MPP7: variants seen among roughly 807,000 people sequenced by gnomAD.
The protein encoded by MPP7 is MAGUK p55 subfamily member 7.
In MPP7, 60 loss-of-function variants were observed where a neutral mutation model predicts 76.5. That is an observed-to-expected ratio of 0.78 (90% CI 0.64 to 0.97). The LOEUF (loss-of-function observed/expected upper bound fraction) is 0.97, where lower values mean the gene tolerates loss of function less well. MPP7 is among the 50% of genes least tolerant of loss of function. MPP7 has a pLI of 0.00. For missense variants in MPP7, 641 were observed against 694.0 expected (o/e 0.92, Z 0.86); for synonymous variants, 237 against 244.5 (o/e 0.97, Z 0.29).
At chr10:28,123,949 A>G (rs1158072564) in intron 8 of MPP7, 82 bp downstream of exon 8, 1 of 924,538 alleles carries the variant, frequency 1.1e-6, no homozygotes, top group Non-Finnish European at 1.8e-6. Context: ...AATCCTGTCT[A>G]TGTCAAACCA....
At chr10:28,092,982 C>T (rs1853391935) in intron 11 of MPP7, among the ~76,000 whole-genome samples, 1 of 152,046 alleles carries the variant, frequency 6.6e-6, no homozygotes, top group Admixed American at 6.6e-5. Context: ...GGGTCTCTTT[C>T]TAATTGCAGA....
intron 2 of MPP7, among the ~76,000 whole-genome samples, chr10:28,208,120 G>A (rs1434915628): frequency 1.3e-5 from 2 of 152,090 alleles, no homozygotes; most frequent in African/African-American, 4.8e-5. Context: ...CTTGGAAGAG[G>A]ACTCCCTCCC....
chr10:28,239,002 A>C lies in MPP7; in HGVS notation c.-131-267T>G, dbSNP rs1184275745. 2.0e-5 allele frequency among the ~76,000 whole-genome samples: 3 copies of C among 152,284 alleles called. No individual in the cohort carries two copies. The Middle Eastern group carries it at 0.01, about 518-fold the overall frequency. ...ATTTGGGTTGAGGAACACTGATTGG[A>C]TACGTGGATAATTTTAAGAAGCTTC... On this transcript the variant is annotated intron_variant, in intron 1 of 16. Coordinates refer to ENST00000683449, the MANE Select transcript of MPP7 (RefSeq NM_001318170.2).
chr10:28,180,009 G>C (rs917722761), intron 3 of MPP7, among the ~76,000 whole-genome samples: 1 of 152,050 alleles, frequency 6.6e-6, no homozygotes, highest in African/African-American at 2.4e-5. Context: ...AAGTGAGAAA[G>C]AAAATAAAGG....
In MPP7 at chr10:28,313,853, A is replaced by ATTTTTTTTTTTTTTTTTTTT. The variant is rs1192149562; in HGVS notation, c.-132+16075_-132+16076insAAAAAAAAAAAAAAAAAAAA. On this transcript the variant is annotated intron_variant, in intron 2 of 11. Coordinates refer to the MPP7 transcript ENST00000441595. ...AGGTGTGTGCCACTATACCTGGCTA[A>ATTTTTTTTTTTTTTTTTTTT]TTTTTTTTTTTTTATTTTTTTTATT... 1.2e-4 allele frequency among the ~76,000 whole-genome samples: 4 copies of ATTTTTTTTTTTTTTTTTTTT among 32,676 alleles called. 2 individuals are homozygous for ATTTTTTTTTTTTTTTTTTTT. The highest frequency in any genetic ancestry group is 2.1e-4 in the Non-Finnish European group (4 of 18,990). The allele number at this position is 32,676 out of a possible 152,430, so 21.4% of individuals were successfully genotyped here.
At chr10:28,090,556 C>G (rs937390570) in intron 11 of MPP7, among the ~76,000 whole-genome samples, 13 of 152,208 alleles carry the variant, frequency 8.5e-5, no homozygotes, top group African/African-American at 3.1e-4. Flanking sequence ...TTCTCTCATT[C>G]ATGAACATGA....
chr10:28,161,060 C>T (rs1458341538), intron 3 of MPP7, among the ~76,000 whole-genome samples: 2 of 152,128 alleles, frequency 1.3e-5, no homozygotes, highest in Non-Finnish European at 2.9e-5. Context: ...TAAACCTCAG[C>T]GATTTATAAC....
intron 1 of MPP7, among the ~76,000 whole-genome samples, chr10:28,330,701 C>T (rs2133192780): frequency 6.6e-6 from 1 of 152,246 alleles, no homozygotes; most frequent in Admixed American, 6.5e-5. Context: ...GTCACCCAGG[C>T]TGGAGTGCTG....
chr10:28,140,320 GGCCAAAATGGT>G (rs1343566148), intron 5 of MPP7, among the ~76,000 whole-genome samples: 2 of 152,098 alleles, frequency 1.3e-5, no homozygotes, highest in African/African-American at 4.8e-5. Context: ...ACACCAGCCT[GGCCAAAATGGT>G]GAAACCCCAA....
intron 12 of MPP7, among the ~76,000 whole-genome samples, chr10:28,085,044 G>GT (rs1423139167): frequency 6.6e-5 from 10 of 152,126 alleles, no homozygotes; most frequent in African/African-American, 2.4e-4. Flanking sequence ...AAGCAAGGAG[G>GT]TATCTGTCAG....
chr10:28,207,004 T>C (rs1439669355), intron 2 of MPP7, among the ~76,000 whole-genome samples: 3 of 152,184 alleles, frequency 2.0e-5, no homozygotes, highest in Non-Finnish European at 4.4e-5. Context: ...CCCAAAAATT[T>C]TGAATTTAGG....
chr10:28,262,388 G>A (rs1028657158), intron 1 of MPP7, among the ~76,000 whole-genome samples: 3 of 149,204 alleles, frequency 2.0e-5, no homozygotes, highest in Middle Eastern at 3.5e-3. Context: ...GAGCCACCAT[G>A]CCCAGCCAAT....
chr10:28,300,636 A>G (rs1389437037), intron 1 of MPP7, among the ~76,000 whole-genome samples: 1 of 152,174 alleles, frequency 6.6e-6, no homozygotes, highest in Non-Finnish European at 1.5e-5. Context: ...CCACAAAACA[A>G]GAGATAACTT....
chr10:28,129,821 T>C (rs996841735), intron 6 of MPP7, among the ~76,000 whole-genome samples: 2 of 152,120 alleles, frequency 1.3e-5, no homozygotes, highest in Non-Finnish European at 2.9e-5. Context: ...CTCAGAAATC[T>C]GCATTGTAAG....
chr10:28,180,951 T>C (rs1200933713), intron 3 of MPP7, among the ~76,000 whole-genome samples: 1 of 152,218 alleles, frequency 6.6e-6, no homozygotes, highest in African/African-American at 2.4e-5. Flanking sequence ...TACATGTACC[T>C]GTAAACAGCA....
chr10:28,217,215 T>C (rs1057327912), intron 2 of MPP7, among the ~76,000 whole-genome samples: 23 of 152,038 alleles, frequency 1.5e-4, no homozygotes, highest in African/African-American at 4.6e-4. Context: ...GACAAGGATA[T>C]AACATACTCA....
rs768369643 is a variant in MPP7 at position 28,247,105 on chromosome 10, ACTCT to A, written c.-131-8374_-131-8371del. 5.9e-5 allele frequency among the ~76,000 whole-genome samples: 9 copies of A among 152,326 alleles called. No individual in the cohort carries two copies. In the South Asian group the frequency reaches 1.2e-3, roughly 21 times the overall value. On this transcript the variant is annotated intron_variant, in intron 1 of 16. Coordinates refer to ENST00000683449, the MANE Select transcript of MPP7 (RefSeq NM_001318170.2). ...GATTTTAAAATAAAATAAATCATTC[ACTCT>A]AAGTATTTACATTGTTATTTCCTAA...
intron 11 of MPP7, among the ~76,000 whole-genome samples, chr10:28,108,615 C>T (rs920089334): frequency 2.0e-5 from 3 of 151,888 alleles, no homozygotes; most frequent in African/African-American, 7.3e-5. Context: ...CGAGATCATG[C>T]CACTGCACTC....
chr10:28,115,072 TTTTGTTTG>T (rs59333090), intron 11 of MPP7, among the ~76,000 whole-genome samples: 1 of 151,322 alleles, frequency 6.6e-6, no homozygotes, highest in South Asian at 2.1e-4. Context: ...ACGTTAGGTT[TTTTGTTTG>T]TTTGTTTGTT....
Sources: gnomAD v4.1 joint callset for allele counts (sites outside exome capture counted in the v4.1 genomes callset) on GRCh38, gnomAD v4.1.1 for gene constraint, MANE v1.5 for transcripts, NCBI Gene and HGNC (gene_info 2026-07-23, HGNC 2026-07-21) for gene names.